The following NLK variants were observed in gnomAD, a reference collection of about 807,000 sequenced individuals.
NLK encodes serine/threonine-protein kinase NLK.
NLK carries 11 observed loss-of-function variants against 59.0 expected under a neutral mutation model. That is an observed-to-expected ratio of 0.19 (90% CI 0.12 to 0.31). The LOEUF (loss-of-function observed/expected upper bound fraction) is 0.31, where lower values mean the gene tolerates loss of function less well. Ranked by LOEUF, NLK falls within the 10% of genes least tolerant of loss-of-function variation. The pLI, the probability that NLK is intolerant of heterozygous loss-of-function variation, is 1.00. For missense variants in NLK, 410 were observed against 661.1 expected, an observed-to-expected ratio of 0.62 and a Z score of 4.16; for synonymous variants, 235 against 235.9, an observed-to-expected ratio of 1.00 and a Z score of 0.03.
chr17:28,102,244 A>G (rs1427974992), intron 1 of NLK, among the ~76,000 whole-genome samples: 1 of 152,140 alleles, frequency 6.6e-6, no homozygotes, highest in Non-Finnish European at 1.5e-5. Context: ...TATTTGAGGT[A>G]TATTTTTATT....
At chr17:28,086,548 TTTG>T (rs1910522278) in intron 1 of NLK, among the ~76,000 whole-genome samples, 1 of 152,216 alleles carries the variant, frequency 6.6e-6, no homozygotes, top group Admixed American at 6.5e-5. Flanking sequence ...GTATTATTGT[TTTG>T]TTATTTTTTA....
chr17:28,157,404 T>A (rs1427469337), intron 3 of NLK, among the ~76,000 whole-genome samples: 1 of 152,114 alleles, frequency 6.6e-6, no homozygotes, highest in Non-Finnish European at 1.5e-5. Context: ...TTGGCCAGGC[T>A]CGTCTCAAAC....
In NLK at chr17:28,042,952, C is replaced by T; in HGVS notation, c.79C>T (p.His27Tyr). 6.4e-7 allele frequency: 1 copy of T among 1,550,594 alleles called. No individual in the cohort carries two copies. The highest frequency in any genetic ancestry group is 8.7e-7 in the Non-Finnish European group (1 of 1,146,598). ...NGGTSAAAAG[H>Y]HHHHHHHLPH... ...CGGTACATCTGCAGCAGCAGCAGGT[C>T]ACCACCACCACCATCACCACCACCT... The change falls in exon 1 of 11, where the codon CAC (histidine) becomes TAC (tyrosine). Residue 27 changes from histidine to tyrosine, a missense_variant. Transcript: ENST00000407008.
chr17:28,068,429 GT>G (rs1331759068), intron 1 of NLK, among the ~76,000 whole-genome samples: 1 of 152,006 alleles, frequency 6.6e-6, no homozygotes, highest in Non-Finnish European at 1.5e-5. Context: ...AGATGATCCT[GT>G]TTTTAATTTT....
chr17:28,158,630 A>T (rs570539547), intron 3 of NLK, among the ~76,000 whole-genome samples: 38 of 151,806 alleles, frequency 2.5e-4, no homozygotes, highest in Admixed American at 1.6e-3. Flanking sequence ...CTGTACAAAA[A>T]TTTTTTTTTC....
chr17:28,198,692 T>C (rs1909546731), downstream of NLK, among the ~76,000 whole-genome samples: 1 of 152,330 alleles, frequency 6.6e-6, no homozygotes, highest in Non-Finnish European at 1.5e-5. Context: ...TTCACAGTTA[T>C]TCTCCCACTT....
chr17:28,088,764 A>G (rs994710869), intron 1 of NLK, among the ~76,000 whole-genome samples: 12 of 152,154 alleles, frequency 7.9e-5, no homozygotes, highest in African/African-American at 2.9e-4. Context: ...TTTCTAACCC[A>G]GATCTGGAAT....
intron 1 of NLK, among the ~76,000 whole-genome samples, chr17:28,112,594 G>A (rs932635583): frequency 6.6e-6 from 1 of 152,176 alleles, no homozygotes; most frequent in African/African-American, 2.4e-5. Context: ...GTTTTGAGGG[G>A]AAAGGATTTG....
At position 28,060,663 on chromosome 17, in the gene NLK, A is replaced by G. The variant is rs997532177; in HGVS notation, c.458+17332A>G. Among the ~76,000 whole-genome samples, 4 of 152,234 alleles carry G rather than the reference A, an allele frequency of 2.6e-5. No homozygotes were observed. In the East Asian group the frequency reaches 5.8e-4, roughly 22 times the overall value. ...AGAATGGGCACATAGAAGAAATACA[A>G]ATTGTTAAAAAACATTAAAGGATTT... On this transcript the variant is annotated intron_variant, in intron 1 of 10. Coordinates refer to ENST00000407008, the MANE Select transcript of NLK (RefSeq NM_016231.5).
chr17:28,068,160 T>A (rs1345092948), intron 1 of NLK, among the ~76,000 whole-genome samples: 3 of 147,122 alleles, frequency 2.0e-5, no homozygotes, highest in Admixed American at 6.8e-5. Context: ...AAAAAAAAAA[T>A]ATGGATGTTC....
intron 1 of NLK, among the ~76,000 whole-genome samples, chr17:28,110,930 C>T (rs4795313): frequency 2.0e-5 from 3 of 147,482 alleles, no homozygotes; most frequent in East Asian, 2.0e-4. Context: ...CTGCAAGCTC[C>T]GCCTCCCGGG....
chr17:28,138,116 A>G (rs1906835644), intron 3 of NLK, among the ~76,000 whole-genome samples: 1 of 152,198 alleles, frequency 6.6e-6, no homozygotes, highest in African/African-American at 2.4e-5. Flanking sequence ...AACGGAGTTT[A>G]TTATGCTTCA....
chr17:28,179,885 T>G (rs1908837105), intron 7 of NLK, among the ~76,000 whole-genome samples: 2 of 149,368 alleles, frequency 1.3e-5, no homozygotes, highest in African/African-American at 2.5e-5. Flanking sequence ...TTTTTTTTTT[T>G]TTTTTTTTTT....
chr17:28,158,043 C>T (rs9894461), intron 3 of NLK, among the ~76,000 whole-genome samples: 39,751 of 151,944 alleles, frequency 0.26, 6,058 homozygotes, highest in African/African-American at 0.42. Context: ...AAGGAAATTA[C>T]AGGATAATAA....
chr17:28,115,737 C>A (rs1905737230), intron 1 of NLK, among the ~76,000 whole-genome samples: 1 of 152,054 alleles, frequency 6.6e-6, no homozygotes, highest in African/African-American at 2.4e-5. Context: ...GAATATGATA[C>A]ATCTTTCCAT....
At chr17:28,061,819 TATATACATATATAC>T (rs935064392) in intron 1 of NLK, 55 of 143,930 alleles carry the variant, frequency 3.8e-4, no homozygotes, top group African/African-American at 1.3e-3. Flanking sequence ...ACATATATAA[TATATACATATATAC>T]ATATACATAT....
intron 3 of NLK, among the ~76,000 whole-genome samples, chr17:28,144,203 G>A (rs1907135741): frequency 6.6e-6 from 1 of 152,028 alleles, no homozygotes; most frequent in Non-Finnish European, 1.5e-5. Context: ...ACCTCTTTTA[G>A]TTCATTTAAA....
At chr17:28,100,626 T>C (rs369341908) in intron 1 of NLK, among the ~76,000 whole-genome samples, 1 of 152,208 alleles carries the variant, frequency 6.6e-6, no homozygotes, top group East Asian at 1.9e-4. Context: ...CATGTAGGTG[T>C]TTTAAAATAG....
At chr17:28,066,354 A>G (rs755014714) in intron 1 of NLK, among the ~76,000 whole-genome samples, 1 of 152,232 alleles carries the variant, frequency 6.6e-6, no homozygotes, top group Non-Finnish European at 1.5e-5. Context: ...CATATACCAT[A>G]CAGCCCAAAC....
Sources: allele counts gnomAD v4.1 joint callset (sites outside exome capture counted in the v4.1 genomes callset), GRCh38; gene constraint gnomAD v4.1.1; transcripts MANE v1.5; gene names NCBI Gene and HGNC (gene_info 2026-07-23, HGNC 2026-07-21).